LYPLA1: variants seen among roughly 807,000 people sequenced by gnomAD.
LYPLA1 encodes the protein lysophospholipase 1, also known as acyl-protein thioesterase 1.
A neutral mutation model predicts 34.0 loss-of-function variants in LYPLA1; 17 were observed. The observed-to-expected ratio is 0.50, with a 90% CI of 0.34 to 0.75. LYPLA1 has a LOEUF of 0.75. Among genes scored for constraint, LYPLA1 ranks in the 30% least tolerant of loss-of-function variants. The pLI is 0.01. For synonymous variants in LYPLA1, 98 were observed against 100.8 expected (o/e 0.97, Z 0.17); for missense variants, 203 against 288.8 (o/e 0.70, Z 2.15).
At chr8:54,077,783 G>A (rs559719520) in intron 2 of LYPLA1, among the ~76,000 whole-genome samples, 9 of 152,210 alleles carry the variant, frequency 5.9e-5, no homozygotes, top group Admixed American at 2.6e-4. Context: ...GGTCTAGAAC[G>A]GGCAAAAGTA....
downstream of LYPLA1, among the ~76,000 whole-genome samples, chr8:54,045,381 T>C (rs1422102478): frequency 6.6e-6 from 1 of 152,200 alleles, no homozygotes; most frequent in African/African-American, 2.4e-5. Flanking sequence ...CCATTGGTAA[T>C]TAGATCATAA....
intron 2 of LYPLA1, among the ~76,000 whole-genome samples, chr8:54,074,106 T>C (rs1050860522): frequency 1.3e-5 from 2 of 152,148 alleles, no homozygotes; most frequent in African/African-American, 4.8e-5. Context: ...AAACCCCATC[T>C]CTACTAAAAA....
At chr8:54,045,261 CTTG>C (rs918481914), downstream of LYPLA1, among the ~76,000 whole-genome samples, 2 of 152,110 alleles carry the variant, frequency 1.3e-5, no homozygotes, top group Non-Finnish European at 2.9e-5. Context: ...TAAAATGGTA[CTTG>C]TTAAGAGGAT....
chr8:54,076,985 G>C (rs1168513190), intron 2 of LYPLA1, among the ~76,000 whole-genome samples: 1 of 152,032 alleles, frequency 6.6e-6, no homozygotes, highest in Non-Finnish European at 1.5e-5. Flanking sequence ...CGCTGGGTTA[G>C]GGTCTCCCTG....
chr8:54,055,645 A>G (rs942221550), intron 5 of LYPLA1, among the ~76,000 whole-genome samples: 3 of 142,244 alleles, frequency 2.1e-5, no homozygotes, highest in South Asian at 4.4e-4. Flanking sequence ...AATCCTAATT[A>G]TTTTTTTTTT....
At chr8:54,093,483 G>T (rs1586179492) in intron 2 of LYPLA1, among the ~76,000 whole-genome samples, 1 of 152,182 alleles carries the variant, frequency 6.6e-6, no homozygotes, top group African/African-American at 2.4e-5. Context: ...TATCAGAAAC[G>T]GAACAGGCAA....
intron 7 of LYPLA1, among the ~76,000 whole-genome samples, chr8:54,051,862 T>TC (rs1401547167): frequency 6.6e-6 from 1 of 150,870 alleles, no homozygotes; most frequent in Non-Finnish European, 1.5e-5. Flanking sequence ...TTTTTTTTTT[T>TC]CCCCCAAAGA....
chr8:54,073,378 C>T (rs146388502), intron 2 of LYPLA1: 5 of 788,588 alleles, frequency 6.3e-6, no homozygotes, highest in South Asian at 4.0e-5. Context: ...CACCTGGCTG[C>T]CCAAGAAGTG....
At chr8:54,057,349 A>T (rs905363370) in intron 5 of LYPLA1, among the ~76,000 whole-genome samples, 1 of 152,178 alleles carries the variant, frequency 6.6e-6, no homozygotes, top group South Asian at 2.1e-4. Flanking sequence ...TATTGAAGAG[A>T]TATCTGTACT....
At chr8:54,099,513 A>G (rs568262120) in intron 2 of LYPLA1, among the ~76,000 whole-genome samples, 1 of 152,118 alleles carries the variant, frequency 6.6e-6, no homozygotes, top group South Asian at 2.1e-4. Flanking sequence ...CTCTGTCTCT[A>G]CTAAAAATAC....
chr8:54,056,087 AAC>A (rs772352966), intron 5 of LYPLA1, among the ~76,000 whole-genome samples: 2 of 152,186 alleles, frequency 1.3e-5, no homozygotes, highest in Admixed American at 6.5e-5. Flanking sequence ...CTGGCATAAA[AAC>A]AGACACACAG....
chr8:54,044,615 T>G (rs1014270574), downstream of LYPLA1, among the ~76,000 whole-genome samples: 1 of 151,854 alleles, frequency 6.6e-6, no homozygotes, highest in Non-Finnish European at 1.5e-5. Context: ...TTTTTTTTTT[T>G]CTAGTTCACC....
rs181628208 is a variant in LYPLA1 at position 54,065,414 on chromosome 8, C to T, written c.167+334G>A. On this transcript the variant is annotated intron_variant, in intron 3 of 8. Transcript: ENST00000316963. ...TGGAGGTTGCAGTGAGCCGAGATCA[C>T]GCCACTGCACTCCAGCCTGGGTGGC... 2.1e-4 allele frequency among the ~76,000 whole-genome samples: 32 copies of T among 151,738 alleles called. No homozygotes were observed. In the East Asian group the frequency reaches 4.5e-3, roughly 21 times the overall value.
intron 2 of LYPLA1, among the ~76,000 whole-genome samples, chr8:54,084,571 A>G (rs1808565669): frequency 6.6e-6 from 1 of 151,362 alleles, no homozygotes; most frequent in Non-Finnish European, 1.5e-5. Flanking sequence ...AGTCCATCTC[A>G]AAAAAAAAGA....
chr8:54,076,603 C>T (rs111628121), intron 2 of LYPLA1, among the ~76,000 whole-genome samples: 3,218 of 152,258 alleles, frequency 0.021, 53 homozygotes, highest in African/African-American at 0.031. Context: ...ATAACATGTT[C>T]ATAATGGCCC....
In LYPLA1 at chr8:54,058,242, T is replaced by TA. The variant is rs555665594; in HGVS notation, c.287-3110dup. Among the ~76,000 whole-genome samples, 362 of 152,120 alleles carry TA rather than the reference T, an allele frequency of 2.4e-3. 2 individuals are homozygous for TA. Among genetic ancestry groups the TA allele is most frequent in the African/African-American group, 7.9e-3 (329 of 41,500 alleles). ...TAAAACCATTCATTCTATTGTTTTT[T>TA]AAAAAAAATCACAGAATTGGCCAGG... On this transcript the variant is annotated intron_variant, in intron 5 of 8. Transcript: ENST00000316963.
At chr8:54,052,615 T>C (rs1173036050) in intron 7 of LYPLA1, 40 bp downstream of exon 7, 3 of 1,261,932 alleles carry the variant, frequency 2.4e-6, no homozygotes, top group Non-Finnish European at 3.5e-6. Flanking sequence ...TAGCTACCTT[T>C]AGCTCAGTAA....
chr8:54,090,670 C>T (rs1389427976), intron 2 of LYPLA1, among the ~76,000 whole-genome samples: 2 of 152,186 alleles, frequency 1.3e-5, no homozygotes, highest in Non-Finnish European at 2.9e-5. Context: ...CTGGACCCAG[C>T]TTTCACTATC....
At chr8:54,085,276 G>A (rs1237160125) in intron 2 of LYPLA1, among the ~76,000 whole-genome samples, 3 of 152,324 alleles carry the variant, frequency 2.0e-5, no homozygotes, top group African/African-American at 7.2e-5. Flanking sequence ...ACGGAGTCTC[G>A]CTCACTCAGT....
Sources: gnomAD v4.1 joint callset for allele counts (sites outside exome capture counted in the v4.1 genomes callset) on GRCh38, gnomAD v4.1.1 for gene constraint, MANE v1.5 for transcripts, NCBI Gene and HGNC (gene_info 2026-07-23, HGNC 2026-07-21) for gene names.